The following SHROOM4 variants were observed in gnomAD, a reference collection of about 807,000 sequenced individuals.
SHROOM4 encodes shroom family member 4.
In SHROOM4, 17 loss-of-function variants were observed where a neutral mutation model predicts 80.3. The observed-to-expected ratio is 0.21, with a 90% CI of 0.14 to 0.32. SHROOM4 has a LOEUF of 0.32. Ranked by LOEUF, SHROOM4 falls within the 10% of genes least tolerant of loss-of-function variation. SHROOM4 has a pLI of 1.00. For missense variants in SHROOM4, 993 were observed against 1,140.3 expected, an observed-to-expected ratio of 0.87 and a Z score of 1.86; for synonymous variants, 400 against 437.5, an observed-to-expected ratio of 0.91 and a Z score of 1.07.
chrX:50,812,793 ACATC>A (rs1208662940), intron 1 of SHROOM4, among the ~76,000 whole-genome samples: 20 of 111,417 alleles, frequency 1.8e-4, no homozygotes, highest in African/African-American at 6.5e-4. Context: ...CTGAAAAGAC[ACATC>A]TTTCTATCTC....
At chrX:50,812,735 A>T (rs1266841970) in intron 1 of SHROOM4, among the ~76,000 whole-genome samples, 1 of 90,578 alleles carries the variant, frequency 1.1e-5, no homozygotes, top group East Asian at 4.2e-4. Context: ...GATGTGACCA[A>T]TGTTGAACCC....
At chrX:50,610,997 GAAAC>G (rs1295625756) in intron 5 of SHROOM4, among the ~76,000 whole-genome samples, 3 of 110,959 alleles carry the variant, frequency 2.7e-5, no homozygotes, top group Non-Finnish European at 5.7e-5. Flanking sequence ...TTCATATACT[GAAAC>G]AGACTGTATT....
rs781942320 is a variant in SHROOM4 at position 50,591,694 on chromosome X, T to TTTCCTTTCTTTCTTTC, written c.*5000_*5001insGAAAGAAAGAAAGGAA. 1 of 257,253 alleles carries TTTCCTTTCTTTCTTTC rather than the reference T, an allele frequency of 3.9e-6. No homozygotes were observed. The highest frequency in any genetic ancestry group is 3.2e-5 in the African/African-American group (1 of 30,828). The allele number at this position is 257,253 out of a possible 1,213,427, so 21.2% of individuals were successfully genotyped here. A position where few individuals can be genotyped will look rare whatever the true frequency, so the allele number is the denominator to read the frequency against. ...TTTTCTTTCTTTCTTTCTTTCTTTC[T>TTTCCTTTCTTTCTTTC]TTTCTTTCTTTCTTTCTTTCTTTCT... On this transcript the variant is annotated 3_prime_UTR_variant, in exon 9 of 9. Coordinates refer to ENST00000376020, the MANE Select transcript of SHROOM4 (RefSeq NM_020717.5).
rs151231532 is a variant in SHROOM4 at position 50,740,771 on chromosome X, A to G, written c.118-44834T>C. 8.9e-3 allele frequency among the ~76,000 whole-genome samples: 1,000 copies of G among 112,348 alleles called. 13 individuals carry two copies. Among genetic ancestry groups the G allele is most frequent in the African/African-American group, 0.031 (945 of 30,935 alleles). On this transcript the variant is annotated intron_variant, in intron 1 of 8. Transcript: ENST00000376020. ...TGTGTGATATCAACAATGAAATTAA[A>G]TGAGAAAATAACAAAGCCATTTGAA... is the stretch of plus-strand genomic sequence containing the variant.
chrX:50,717,106 G>A (rs1424385476), intron 1 of SHROOM4, among the ~76,000 whole-genome samples: 2 of 112,131 alleles, frequency 1.8e-5, no homozygotes, highest in African/African-American at 3.2e-5. Context: ...TCACTACAAG[G>A]GACTATTCTT....
chrX:50,795,079 TATATATATG>T lies in SHROOM4; in HGVS notation c.117+18814_117+18822del, dbSNP rs1569549132. Among the ~76,000 whole-genome samples the T allele has an allele frequency of 1.2e-3, 85 of 71,215 alleles. 17 individuals carry two copies. Among genetic ancestry groups the T allele is most frequent in the African/African-American group, 5.5e-3 (79 of 14,445 alleles). 61.8% of individuals were successfully genotyped at this position (71,215 alleles called of 115,157 possible). A position where few individuals can be genotyped will look rare whatever the true frequency, so the allele number is the denominator to read the frequency against. ...ATATATATGATATATATATATGATA[TATATATATG>T]ATATATATATATGATATATATATAT... is the stretch of plus-strand genomic sequence containing the variant. On this transcript the variant is annotated intron_variant, in intron 1 of 8. Coordinates refer to ENST00000376020, the MANE Select transcript of SHROOM4 (RefSeq NM_020717.5).
intron 1 of SHROOM4, among the ~76,000 whole-genome samples, chrX:50,736,023 G>A (rs986616095): frequency 1.8e-5 from 2 of 108,176 alleles, no homozygotes; most frequent in African/African-American, 6.7e-5. Context: ...AAAAAAGGAA[G>A]AGAGAAAAGA....
At chrX:50,745,484 G>A (rs1934755081) in intron 1 of SHROOM4, among the ~76,000 whole-genome samples, 1 of 111,014 alleles carries the variant, frequency 9.0e-6, no homozygotes, top group Non-Finnish European at 1.9e-5. Flanking sequence ...TTGGGAGTGG[G>A]GAAATAGGAG....
chrX:50,750,387 G>A (rs1460539962), intron 1 of SHROOM4, among the ~76,000 whole-genome samples: 1 of 111,659 alleles, frequency 9.0e-6, no homozygotes, highest in Admixed American at 9.5e-5. Context: ...AGCCTCCCCC[G>A]AGTAGCTGGG....
chrX:50,793,133 A>G (rs1557271715), intron 1 of SHROOM4, among the ~76,000 whole-genome samples: 1 of 110,110 alleles, frequency 9.1e-6, no homozygotes, highest in Non-Finnish European at 1.9e-5. Context: ...TCCAATATGC[A>G]ACAACATAGA....
At chrX:50,630,162 G>A (rs782390518) in intron 4 of SHROOM4, among the ~76,000 whole-genome samples, 1 of 110,886 alleles carries the variant, frequency 9.0e-6, no homozygotes, top group East Asian at 2.8e-4. Flanking sequence ...CCTGCAAATC[G>A]TACCTCCATC....
intron 1 of SHROOM4, among the ~76,000 whole-genome samples, chrX:50,761,306 G>A (rs963768271): frequency 9.0e-6 from 1 of 111,504 alleles, no homozygotes; most frequent in Admixed American, 9.5e-5. Flanking sequence ...CTGTTCCTGC[G>A]TTAGTTTCCT....
chrX:50,772,008 AT>A (rs1935404262), intron 1 of SHROOM4, among the ~76,000 whole-genome samples: 7 of 103,068 alleles, frequency 6.8e-5, no homozygotes, highest in Non-Finnish European at 1.4e-4. Context: ...CTTGTTTTTT[AT>A]GTGTGTGTGT....
intron 1 of SHROOM4, among the ~76,000 whole-genome samples, chrX:50,788,460 A>G (rs1935790017): frequency 9.0e-6 from 1 of 110,962 alleles, no homozygotes; most frequent in Admixed American, 9.5e-5. Flanking sequence ...ACAAAAAATT[A>G]GCCGGGCGTG....
intron 2 of SHROOM4, among the ~76,000 whole-genome samples, chrX:50,651,617 T>C (rs1289487179): frequency 8.9e-6 from 1 of 111,776 alleles, no homozygotes; most frequent in Non-Finnish European, 1.9e-5. Context: ...CTTTCTGGAA[T>C]ACATGTGCAG....
At chrX:50,609,665 A>ATGTG (rs3078713) in intron 5 of SHROOM4, among the ~76,000 whole-genome samples, 1,324 of 88,252 alleles carry the variant, frequency 0.015, 24 homozygotes, top group African/African-American at 0.049. Context: ...AGTCATGGAT[A>ATGTG]TGTGTGTGTG....
chrX:50,789,648 G>T (rs1482593324), intron 1 of SHROOM4, among the ~76,000 whole-genome samples: 2 of 111,758 alleles, frequency 1.8e-5, no homozygotes, highest in Admixed American at 1.9e-4. Context: ...ATAAAGATTA[G>T]AACATAAATA....
chrX:50,640,386 C>T (rs781925127), intron 2 of SHROOM4, among the ~76,000 whole-genome samples: 1 of 106,731 alleles, frequency 9.4e-6, no homozygotes, highest in African/African-American at 3.4e-5. Flanking sequence ...CCCTGGTTTG[C>T]TCTCTCTCTC....
At chrX:50,776,870 C>A (rs1334236848) in intron 1 of SHROOM4, among the ~76,000 whole-genome samples, 2 of 108,684 alleles carry the variant, frequency 1.8e-5, no homozygotes, top group Non-Finnish European at 3.8e-5. Context: ...TGAATTTTTT[C>A]GTAGTGACGG....
Sources: allele counts gnomAD v4.1 joint callset (sites outside exome capture counted in the v4.1 genomes callset), GRCh38; gene constraint gnomAD v4.1.1; transcripts MANE v1.5; gene names NCBI Gene and HGNC (gene_info 2026-07-23, HGNC 2026-07-21).